The following LHFPL6 variants were observed in gnomAD, a reference collection of about 807,000 sequenced individuals.
LHFPL6 encodes the protein LHFPL tetraspan subfamily member 6.
LHFPL6 carries 9 observed loss-of-function variants against 20.6 expected under a neutral mutation model. The observed-to-expected ratio is 0.44, with a 90% CI of 0.26 to 0.76. The LOEUF is 0.76. Among genes scored for constraint, LHFPL6 ranks in the 30% least tolerant of loss-of-function variants. The pLI is 0.20. For missense variants in LHFPL6, 218 were observed against 253.5 expected, an observed-to-expected ratio of 0.86 and a Z score of 0.95; for synonymous variants, 105 against 98.7, an observed-to-expected ratio of 1.06 and a Z score of -0.38.
At chr13:39,386,171 G>A (rs1054998990) in intron 2 of LHFPL6, among the ~76,000 whole-genome samples, 1 of 152,096 alleles carries the variant, frequency 6.6e-6, no homozygotes, top group African/African-American at 2.4e-5. Context: ...GGAAGAGGCT[G>A]GCATGTTTCC....
chr13:39,521,123 G>A (rs1870092267), intron 2 of LHFPL6, among the ~76,000 whole-genome samples: 1 of 152,088 alleles, frequency 6.6e-6, no homozygotes, highest in Non-Finnish European at 1.5e-5. Flanking sequence ...TACCTTCATA[G>A]GTCTGAGGTA....
At chr13:39,400,641 G>A in intron 2 of LHFPL6, among the ~76,000 whole-genome samples, 1 of 150,598 alleles carries the variant, frequency 6.6e-6, no homozygotes, top group Non-Finnish European at 1.5e-5. Context: ...AAATTAGCCG[G>A]GCGTAGTGGC....
chr13:39,585,585 T>G (rs529199086), intron 2 of LHFPL6, among the ~76,000 whole-genome samples: 16 of 152,324 alleles, frequency 1.1e-4, no homozygotes, highest in Non-Finnish European at 2.1e-4. Flanking sequence ...ACAGCAATTT[T>G]CAATGGTAAA....
chr13:39,550,620 A>T (rs1315802709), intron 2 of LHFPL6, among the ~76,000 whole-genome samples: 3 of 152,126 alleles, frequency 2.0e-5, no homozygotes, highest in Non-Finnish European at 4.4e-5. Flanking sequence ...CCACTTTTTA[A>T]ATTGTTTTGA....
chr13:39,540,904 G>T (rs1353582581), intron 2 of LHFPL6, among the ~76,000 whole-genome samples: 1 of 152,080 alleles, frequency 6.6e-6, no homozygotes, highest in South Asian at 2.1e-4. Flanking sequence ...TTTAGAACAC[G>T]TTAACAGAGA....
chr13:39,547,396 A>G (rs1871015505), intron 2 of LHFPL6, among the ~76,000 whole-genome samples: 1 of 151,988 alleles, frequency 6.6e-6, no homozygotes, highest in African/African-American at 2.4e-5. Context: ...ATCAAAATCA[A>G]TTTGCTGAAC....
chr13:39,342,991 C>T lies in LHFPL6; in HGVS notation c.*945G>A, dbSNP rs187898853. On this transcript the variant is annotated 3_prime_UTR_variant, in exon 4 of 4. Transcript: ENST00000379589. ...AATGAATATAGAAATAAATGTGGTA[C>T]AGCACAGTACAATAATGGACAAAAG... 129 of 190,026 alleles carry T rather than the reference C, an allele frequency of 6.8e-4. 3 individuals carry two copies. The East Asian group carries it at 0.011, about 16-fold the overall frequency. 11.8% of individuals were successfully genotyped at this position (190,026 alleles called of 1,614,324 possible).
At chr13:39,378,326 A>G in intron 3 of LHFPL6, 102 bp downstream of exon 3, 1 of 801,078 alleles carries the variant, frequency 1.2e-6, no homozygotes, top group South Asian at 1.5e-5. Context: ...TGTAATACCC[A>G]GGGAGGTTTT....
chr13:39,441,879 G>T (rs573197890), intron 2 of LHFPL6, among the ~76,000 whole-genome samples: 4 of 146,952 alleles, frequency 2.7e-5, no homozygotes, highest in African/African-American at 1.0e-4. Flanking sequence ...GCCTGGACTG[G>T]AGTGCAATGG....
chr13:39,382,194 C>A (rs1389550570), intron 2 of LHFPL6, among the ~76,000 whole-genome samples: 2 of 152,094 alleles, frequency 1.3e-5, no homozygotes, highest in Non-Finnish European at 2.9e-5. Context: ...GTCTCCTATA[C>A]CAAGTTTCCC....
intron 2 of LHFPL6, among the ~76,000 whole-genome samples, chr13:39,593,236 C>T (rs1354484425): frequency 2.0e-5 from 3 of 152,072 alleles, no homozygotes; most frequent in Admixed American, 1.3e-4. Flanking sequence ...TTGTCTCAGC[C>T]CAAAATCTCC....
At position 39,429,090 on chromosome 13, in the gene LHFPL6, GAA is replaced by G. The variant is rs565999516; in HGVS notation, c.386-50566_386-50565del. Among the ~76,000 whole-genome samples, 64 of 151,852 alleles carry G rather than the reference GAA, an allele frequency of 4.2e-4. 1 individual carries two copies. Among genetic ancestry groups the G allele is most frequent in the Admixed American group, 4.2e-3 (64 of 15,280 alleles). On this transcript the variant is annotated intron_variant, in intron 2 of 3. Coordinates refer to ENST00000379589, the MANE Select transcript of LHFPL6 (RefSeq NM_005780.3). ...TATCATACATATTCCTCTTGCACTT[GAA>G]AAAATGTGTATTCTGCTGTTGTTTG...
chr13:39,484,294 G>C (rs1868637466), intron 2 of LHFPL6, among the ~76,000 whole-genome samples: 1 of 152,182 alleles, frequency 6.6e-6, no homozygotes, highest in South Asian at 2.1e-4. Flanking sequence ...AGTCATCAGA[G>C]TAGGCACCAC....
At chr13:39,525,442 T>C (rs940875171) in intron 2 of LHFPL6, among the ~76,000 whole-genome samples, 1 of 152,204 alleles carries the variant, frequency 6.6e-6, no homozygotes, top group African/African-American at 2.4e-5. Flanking sequence ...AAAGATATTA[T>C]CTAACTTGGC....
intron 2 of LHFPL6, among the ~76,000 whole-genome samples, chr13:39,463,579 C>T (rs1872734740): frequency 6.6e-6 from 1 of 152,078 alleles, no homozygotes; most frequent in African/African-American, 2.4e-5. Context: ...CCTTAATCTC[C>T]AGGTAGGTGC....
At chr13:39,485,429 T>G (rs2138448719) in intron 2 of LHFPL6, among the ~76,000 whole-genome samples, 1 of 152,330 alleles carries the variant, frequency 6.6e-6, no homozygotes, top group South Asian at 2.1e-4. Flanking sequence ...ATAGCCATCT[T>G]TAAGTCATTT....
Position 39,430,274 on chromosome 13 carries a change from C to G in LHFPL6, c.386-51748G>C, listed in dbSNP as rs374433359. Among the ~76,000 whole-genome samples the G allele has an allele frequency of 1.2e-3, 189 of 152,290 alleles. 6 individuals are homozygous for G. In the South Asian group the frequency reaches 0.038, roughly 30 times the overall value. The stretch of plus-strand genomic sequence containing the variant: ...TGCCATCAGCTGAAGAAAGTTGACT[C>G]ACTCAAGGTCACAAGCTTGGGCATC... On this transcript the variant is annotated intron_variant, in intron 2 of 3. Transcript: ENST00000379589.
chr13:39,538,836 C>T lies in LHFPL6; in HGVS notation c.385+61996G>A, dbSNP rs187794138. On this transcript the variant is annotated intron_variant, in intron 2 of 3. Transcript: ENST00000379589. ...AAATTAGAAGTAAAATGTAAGGATACCTGCAATTTACACTAAAATATCTTA... is the reference window on the plus strand; with the variant it reads ...AAATTAGAAGTAAAATGTAAGGATATCTGCAATTTACACTAAAATATCTTA... Among the ~76,000 whole-genome samples, 1,121 of 152,132 alleles carry T rather than the reference C, an allele frequency of 7.4e-3. 12 individuals are homozygous for T. Among genetic ancestry groups the T allele is most frequent in the African/African-American group, 0.026 (1,086 of 41,496 alleles).
At chr13:39,531,718 G>A (rs1472259368) in intron 2 of LHFPL6, among the ~76,000 whole-genome samples, 1 of 152,092 alleles carries the variant, frequency 6.6e-6, no homozygotes, top group Non-Finnish European at 1.5e-5. Flanking sequence ...TGACAGAAGT[G>A]TGACCACCGC....
Sources: allele counts gnomAD v4.1 joint callset (sites outside exome capture counted in the v4.1 genomes callset), GRCh38; gene constraint gnomAD v4.1.1; transcripts MANE v1.5; gene names NCBI Gene and HGNC (gene_info 2026-07-23, HGNC 2026-07-21).